Variants in ERBB4 observed in about 807,000 individuals in gnomAD.
The protein encoded by ERBB4 is receptor tyrosine-protein kinase erbB-4.
In ERBB4, 42 loss-of-function variants were observed where a neutral mutation model predicts 158.0. The ratio of observed to expected loss-of-function variants is 0.27; its 90% CI spans 0.21 to 0.34. ERBB4 has a LOEUF of 0.34. Among genes scored for constraint, ERBB4 ranks in the 10% least tolerant of loss-of-function variants. The pLI is 1.00. For synonymous variants in ERBB4, 583 were observed against 558.7 expected (o/e 1.04, Z -0.61); for missense variants, 1,333 against 1,624.1 (o/e 0.82, Z 3.08).
At chr2:211,596,889 T>G (rs996197628) in intron 19 of ERBB4, among the ~76,000 whole-genome samples, 1 of 152,072 alleles carries the variant, frequency 6.6e-6, no homozygotes, top group Non-Finnish European at 1.5e-5. Flanking sequence ...CTCAGCCTTC[T>G]AAGTAGCTGG....
chr2:211,969,341 C>T (rs1420120048), intron 2 of ERBB4, among the ~76,000 whole-genome samples: 2 of 151,986 alleles, frequency 1.3e-5, no homozygotes, highest in Admixed American at 6.6e-5. Context: ...GCTGAAAAAA[C>T]GTTCCAAGTT....
intron 3 of ERBB4, among the ~76,000 whole-genome samples, chr2:211,860,480 G>C (rs1672782595): frequency 6.6e-6 from 1 of 152,094 alleles, no homozygotes; most frequent in South Asian, 2.1e-4. Context: ...GAAGCAGGAT[G>C]AAGTCACCTC....
intron 1 of ERBB4, among the ~76,000 whole-genome samples, chr2:212,143,352 T>A (rs888634706): frequency 1.1e-4 from 16 of 152,182 alleles, no homozygotes; most frequent in Admixed American, 5.2e-4. Flanking sequence ...TAATAAAGTG[T>A]TGAATAATTT....
intron 2 of ERBB4, among the ~76,000 whole-genome samples, chr2:212,021,678 G>T (rs1169255821): frequency 6.6e-6 from 1 of 152,022 alleles, no homozygotes; most frequent in Admixed American, 6.6e-5. Flanking sequence ...ATTTTATCAT[G>T]AAATCGCCAA....
At chr2:212,322,530 T>G (rs1204959745) in intron 1 of ERBB4, among the ~76,000 whole-genome samples, 1 of 150,752 alleles carries the variant, frequency 6.6e-6, no homozygotes, top group Non-Finnish European at 1.5e-5. Context: ...TGCGTATACA[T>G]TTTAGAACTC....
intron 21 of ERBB4, among the ~76,000 whole-genome samples, chr2:211,430,482 A>G (rs943447745): frequency 1.3e-5 from 2 of 152,228 alleles, no homozygotes; most frequent in Non-Finnish European, 2.9e-5. Context: ...TAGACGAGGC[A>G]GTGGCTCTGT....
intron 1 of ERBB4, among the ~76,000 whole-genome samples, chr2:212,462,949 T>C (rs1379664012): frequency 2.0e-5 from 3 of 152,112 alleles, no homozygotes; most frequent in African/African-American, 7.2e-5. Context: ...CTGTCATTTA[T>C]GGCAACATGG....
intron 20 of ERBB4, among the ~76,000 whole-genome samples, chr2:211,480,030 T>A (rs2065044628): frequency 1.3e-5 from 2 of 152,282 alleles, no homozygotes; most frequent in East Asian, 3.9e-4. Flanking sequence ...TAACCAGTTG[T>A]CTCTGCCAAA....
chr2:212,148,138 G>C (rs1464598169), intron 1 of ERBB4, among the ~76,000 whole-genome samples: 1 of 151,382 alleles, frequency 6.6e-6, no homozygotes, highest in African/African-American at 2.4e-5. Flanking sequence ...TTCCCAAAGA[G>C]TATTTTCTTT....
chr2:212,374,071 TA>T (rs2090232486), intron 1 of ERBB4, among the ~76,000 whole-genome samples: 1 of 96,198 alleles, frequency 1.0e-5, no homozygotes, highest in Non-Finnish European at 2.5e-5. Flanking sequence ...TATATATCCA[TA>T]TATATATCCA....
At chr2:212,277,439 C>T (rs2085583056) in intron 1 of ERBB4, among the ~76,000 whole-genome samples, 1 of 151,724 alleles carries the variant, frequency 6.6e-6, no homozygotes, top group African/African-American at 2.4e-5. Flanking sequence ...ATAAGCACAA[C>T]ATATTCACCG....
intron 15 of ERBB4, 65 bp downstream of exon 15, chr2:211,665,258 C>T (rs1039397116): frequency 1.2e-5 from 18 of 1,491,772 alleles, no homozygotes; most frequent in Non-Finnish European, 1.1e-5. Context: ...AGAGATGGTA[C>T]CAGGGATAAA....
intron 1 of ERBB4, among the ~76,000 whole-genome samples, chr2:212,502,245 A>G (rs982584312): frequency 6.6e-6 from 1 of 152,130 alleles, no homozygotes; most frequent in South Asian, 2.1e-4. Flanking sequence ...AAGTAAGCTA[A>G]TGTCAAATTA....
intron 1 of ERBB4, among the ~76,000 whole-genome samples, chr2:212,460,187 G>C (rs1688500691): frequency 6.6e-6 from 1 of 152,190 alleles, no homozygotes; most frequent in Non-Finnish European, 1.5e-5. Context: ...GGAACTGTAA[G>C]TCCAATTAAA....
rs545168473 is a variant in ERBB4 at position 211,955,368 on chromosome 2, A to AT, written c.235-7753dup. Among the ~76,000 whole-genome samples, 1,483 of 151,598 alleles carry AT rather than the reference A, an allele frequency of 9.8e-3. 27 individuals carry two copies. The highest frequency in any genetic ancestry group is 0.034 in the African/African-American group (1,414 of 41,368). ...AGCTCACCTCCCTAGAATTAACCATATTTTTTTTGTCCTTTATATTTTCCT... is the reference window on the plus strand; with the variant it reads ...AGCTCACCTCCCTAGAATTAACCATATTTTTTTTTGTCCTTTATATTTTCCT... On this transcript the variant is annotated intron_variant, in intron 2 of 27. Coordinates refer to ENST00000342788, the MANE Select transcript of ERBB4 (RefSeq NM_005235.3).
At chr2:211,958,370 T>A (rs1440194661) in intron 2 of ERBB4, among the ~76,000 whole-genome samples, 1 of 152,112 alleles carries the variant, frequency 6.6e-6, no homozygotes, top group East Asian at 1.9e-4. Context: ...AATGTTTTTC[T>A]TATTTAAGTA....
intron 5 of ERBB4, among the ~76,000 whole-genome samples, chr2:211,731,795 G>A (rs775528063): frequency 6.6e-6 from 1 of 152,076 alleles, no homozygotes; most frequent in Admixed American, 6.6e-5. Flanking sequence ...AAGAAGAGGC[G>A]TTACTTACAG....
chr2:211,968,581 T>C (rs971644005), intron 2 of ERBB4, among the ~76,000 whole-genome samples: 8 of 152,068 alleles, frequency 5.3e-5, no homozygotes, highest in African/African-American at 1.7e-4. Flanking sequence ...ATATATTTTA[T>C]TTATTGCTCT....
intron 1 of ERBB4, among the ~76,000 whole-genome samples, chr2:212,482,124 A>G (rs949452714): frequency 6.6e-6 from 1 of 152,264 alleles, no homozygotes; most frequent in African/African-American, 2.4e-5. Flanking sequence ...GACACTGACC[A>G]CACTACAGAC....
Sources: allele counts gnomAD v4.1 joint callset (sites outside exome capture counted in the v4.1 genomes callset), GRCh38; gene constraint gnomAD v4.1.1; transcripts MANE v1.5; gene names NCBI Gene and HGNC (gene_info 2026-07-23, HGNC 2026-07-21).